SMC6: variants seen among roughly 807,000 people sequenced by gnomAD.
The protein encoded by SMC6 is structural maintenance of chromosomes 6.
A neutral mutation model predicts 142.2 loss-of-function variants in SMC6; 79 were observed. The observed-to-expected ratio is 0.56, with a 90% confidence interval of 0.46 to 0.67. The LOEUF (loss-of-function observed/expected upper bound fraction) is 0.67. Among genes scored for constraint, SMC6 ranks in the 30% least tolerant of loss-of-function variants. The pLI is 0.00. For synonymous variants in SMC6, 411 were observed against 412.4 expected (o/e 1.00, Z 0.04); for missense variants, 1,072 against 1,284.0 (o/e 0.83, Z 2.52).
In SMC6 at chr2:17,707,317, A is replaced by G; in HGVS notation, c.1908T>C (p.Ala636=). ...AAACTTGATCACCATCAGCAGTAAAAGCTTCTCTACAATTTTTGGGTGGCT... is the reference window on the plus strand; with the variant it reads ...AAACTTGATCACCATCAGCAGTAAAGGCTTCTCTACAATTTTTGGGTGGCT... ...SQKPPKNCRE[A]FTADGDQVFA... Residue 636 remains alanine (A), a synonymous_variant, in exon 18 of 28, where the codon GCT becomes GCC. Transcript: ENST00000448223. 2 of 1,604,198 alleles carry G rather than the reference A, an allele frequency of 1.2e-6. No individual in the cohort carries two copies. The highest frequency in any genetic ancestry group is 1.7e-6 in the Non-Finnish European group (2 of 1,175,716).
Position 17,716,135 on chromosome 2 carries a change from A to G in SMC6, c.1476T>C (p.Asp492=). The stretch of plus-strand genomic sequence containing the variant: ...TAAAATGTCCTTGTCTATAAGCATC[A>G]TCTATGGCTTCAAGAAGAGCTGGAA... ...PNVPALLEAI[D]DAYRQGHFTY... is the part of the protein sequence containing the mutation. The change falls in exon 15 of 28, where the codon GAT becomes GAC. Residue 492 remains aspartate (D), a synonymous_variant. Coordinates refer to ENST00000448223, the MANE Select transcript of SMC6 (RefSeq NM_001142286.2). 1.2e-6 allele frequency: 2 copies of G among 1,609,788 alleles called. No individual in the cohort carries two copies. Among genetic ancestry groups the G allele is most frequent in the Non-Finnish European group, 1.7e-6 (2 of 1,179,000 alleles).
At chr2:17,746,101 G>T in intron 2 of SMC6, 150 bp from the exon 3 acceptor site, 1 of 767,830 alleles carries the variant, frequency 1.3e-6, no homozygotes, top group Non-Finnish European at 1.9e-6. Flanking sequence ...CTTGCATCTT[G>T]CACTAAGGAA....
At chr2:17,705,635 C>G (rs1422377674) in intron 18 of SMC6, among the ~76,000 whole-genome samples, 1 of 152,076 alleles carries the variant, frequency 6.6e-6, no homozygotes, top group Admixed American at 6.5e-5. Context: ...AAATGAAAAC[C>G]AACAAAATAA....
chr2:17,744,782 C>G (rs2125082195), intron 3 of SMC6, among the ~76,000 whole-genome samples: 1 of 152,234 alleles, frequency 6.6e-6, no homozygotes, highest in East Asian at 1.9e-4. Flanking sequence ...GAGTTTTAGT[C>G]ATGAACAGGT....
intron 11 of SMC6, among the ~76,000 whole-genome samples, chr2:17,719,232 C>T (rs772221849): frequency 6.6e-6 from 1 of 152,008 alleles, no homozygotes; most frequent in Non-Finnish European, 1.5e-5. Flanking sequence ...AAGCTGGATC[C>T]AGGTTTTATA....
At chr2:17,713,093 T>G (rs1668908273) in intron 16 of SMC6, among the ~76,000 whole-genome samples, 1 of 152,252 alleles carries the variant, frequency 6.6e-6, no homozygotes, top group Non-Finnish European at 1.5e-5. Flanking sequence ...TAGGCCTCTC[T>G]TTCTTTAAAC....
Position 17,725,309 on chromosome 2 carries a change from T to A in SMC6, c.674A>T (p.Tyr225Phe). The A allele has an allele frequency of 6.2e-7, 1 of 1,609,180 alleles. No individual in the cohort carries two copies. The change falls in exon 9 of 28, where the codon TAC (tyrosine) becomes TTC (phenylalanine). Residue 225 changes from tyrosine to phenylalanine, a missense_variant. This residue lies in a region of SMC6 where 994 missense variants were observed against 1,153.2 expected (regional missense o/e 0.86). Coordinates refer to ENST00000448223, the MANE Select transcript of SMC6 (RefSeq NM_001142286.2). ...QLEQMKEDYSYIMETKERTKE... is the reference protein window; with the variant it reads ...QLEQMKEDYSFIMETKERTKE... Reference sequence around the variant, plus strand: ...TGTTCTTTCTTTCGTTTCCATAATGTATGAATAATCTTCCTTCATCTGTTC... The same window carrying A: ...TGTTCTTTCTTTCGTTTCCATAATGAATGAATAATCTTCCTTCATCTGTTC...
intron 27 of SMC6, 132 bp from the exon 28 acceptor site, chr2:17,665,745 G>T: frequency 9.2e-6 from 4 of 436,294 alleles, no homozygotes; most frequent in Non-Finnish European, 1.6e-5. Flanking sequence ...AATATCTAGA[G>T]TTCTAGGAGA....
At chr2:17,748,026 G>A (rs1001951166) in intron 2 of SMC6, among the ~76,000 whole-genome samples, 2 of 152,184 alleles carry the variant, frequency 1.3e-5, no homozygotes, top group Non-Finnish European at 2.9e-5. Context: ...ATTTTGCAAA[G>A]TGCAGCTACA....
chr2:17,672,579 C>T lies in SMC6; in HGVS notation c.2911-2004G>A, dbSNP rs535255733. Among the ~76,000 whole-genome samples, 98 of 152,280 alleles carry T rather than the reference C, an allele frequency of 6.4e-4. 1 individual carries two copies. Among genetic ancestry groups the T allele is most frequent in the African/African-American group, 2.2e-3 (92 of 41,568 alleles). ...ATCTAAGCAAACTATTTGTATATTA[C>T]CATCCCTGAAAAGGTAACTATTATT... is the stretch of plus-strand genomic sequence containing the variant. On this transcript the variant is annotated intron_variant, in intron 25 of 27. Transcript: ENST00000448223.
intron 23 of SMC6, among the ~76,000 whole-genome samples, chr2:17,691,397 T>C (rs2124894036): frequency 6.6e-6 from 1 of 150,812 alleles, no homozygotes; most frequent in African/African-American, 2.4e-5. Flanking sequence ...CATTCATTAA[T>C]GGACATGTGG....
chr2:17,745,089 C>A (rs1267406002), intron 3 of SMC6, among the ~76,000 whole-genome samples: 1 of 152,186 alleles, frequency 6.6e-6, no homozygotes, highest in Non-Finnish European at 1.5e-5. Flanking sequence ...TACCAAGTAA[C>A]AACTACATTG....
At chr2:17,747,390 A>C (rs1249441579) in intron 2 of SMC6, among the ~76,000 whole-genome samples, 1 of 152,214 alleles carries the variant, frequency 6.6e-6, no homozygotes, top group African/African-American at 2.4e-5. Flanking sequence ...TATGGAGGGA[A>C]GCAGTTCTCA....
intron 11 of SMC6, among the ~76,000 whole-genome samples, chr2:17,719,817 C>T (rs1241574210): frequency 1.3e-5 from 2 of 152,088 alleles, no homozygotes; most frequent in Non-Finnish European, 2.9e-5. Context: ...TTTTTACATA[C>T]TCATATATTA....
intron 18 of SMC6, among the ~76,000 whole-genome samples, chr2:17,703,866 C>A (rs1046214720): frequency 2.0e-5 from 3 of 151,628 alleles, no homozygotes; most frequent in African/African-American, 7.3e-5. Context: ...TACATAATAC[C>A]TATAACATCT....
At chr2:17,714,083 GTTTTT>G (rs895056935) in intron 16 of SMC6, among the ~76,000 whole-genome samples, 1 of 118,202 alleles carries the variant, frequency 8.5e-6, no homozygotes, top group Non-Finnish European at 1.7e-5. Context: ...TTCATTTTTT[GTTTTT>G]TTTGTTTTTT....
chr2:17,700,685 A>C (rs191845612), intron 20 of SMC6, among the ~76,000 whole-genome samples: 3 of 152,248 alleles, frequency 2.0e-5, no homozygotes, highest in Admixed American at 6.5e-5. Context: ...GTGCCAGAGA[A>C]TATGTTAGAT....
chr2:17,724,978 T>C (rs922211426), intron 9 of SMC6, among the ~76,000 whole-genome samples: 6 of 152,220 alleles, frequency 3.9e-5, no homozygotes, highest in African/African-American at 1.4e-4. Flanking sequence ...CCATTAGTCA[T>C]ACTATCAGAG....
At chr2:17,691,299 C>A (rs1475141353) in intron 23 of SMC6, among the ~76,000 whole-genome samples, 1 of 122,942 alleles carries the variant, frequency 8.1e-6, no homozygotes. Flanking sequence ...TATAAAAAAG[C>A]TGAATAGTAT....
Sources: allele counts gnomAD v4.1 joint callset (sites outside exome capture counted in the v4.1 genomes callset), GRCh38; gene constraint gnomAD v4.1.1; regional missense constraint gnomAD v4.1.1; transcripts MANE v1.5; gene names NCBI Gene and HGNC (gene_info 2026-07-23, HGNC 2026-07-21).